The following RHBDL3 variants were observed in gnomAD, a reference collection of about 807,000 sequenced individuals.
RHBDL3 encodes the protein rhomboid like 3.
RHBDL3 carries 28 observed loss-of-function variants against 48.2 expected under a neutral mutation model. The ratio of observed to expected loss-of-function variants is 0.58; its 90% CI spans 0.43 to 0.80. The LOEUF (loss-of-function observed/expected upper bound fraction) is 0.80. Among genes scored for constraint, RHBDL3 ranks in the 30% least tolerant of loss-of-function variants. The pLI is 0.00. For missense variants in RHBDL3, 464 were observed against 542.7 expected (o/e 0.85, Z 1.44); for synonymous variants, 208 against 232.3 (o/e 0.90, Z 0.95).
intron 7 of RHBDL3, among the ~76,000 whole-genome samples, chr17:32,313,751 CTTTT>C (rs559422433): frequency 1.0e-5 from 1 of 98,630 alleles, no homozygotes; most frequent in Non-Finnish European, 1.9e-5. Context: ...AATTCCCTCC[CTTTT>C]TTTTTTTTTT....
intron 6 of RHBDL3, among the ~76,000 whole-genome samples, chr17:32,299,795 T>C (rs1011763690): frequency 9.9e-5 from 15 of 152,208 alleles, no homozygotes; most frequent in African/African-American, 3.6e-4. Flanking sequence ...CATGTAGGGC[T>C]GTATCATTGA....
At chr17:32,289,292 C>T (rs557208289) in intron 4 of RHBDL3, among the ~76,000 whole-genome samples, 1 of 152,188 alleles carries the variant, frequency 6.6e-6, no homozygotes, top group Non-Finnish European at 1.5e-5. Context: ...CACTACCCCC[C>T]ACCCACCCCA....
intron 7 of RHBDL3, among the ~76,000 whole-genome samples, chr17:32,309,179 A>AGTGTGTGTGTGTGT (rs61558385): frequency 6.7e-6 from 1 of 149,622 alleles, no homozygotes; most frequent in Non-Finnish European, 1.5e-5. Context: ...GAAGGTTTGG[A>AGTGTGTGTGTGTGT]GTGTGTGTGT....
rs950758610 is a variant in RHBDL3, at chr17:32,321,649, A to G, written c.*420A>G. ...GGCTCGAAGGTTGTTGCGTCCAGGC[A>G]TGGCCCCTCTCTAGCTCAGAAATAA... On this transcript the variant is annotated 3_prime_UTR_variant, in exon 9 of 9. Transcript: ENST00000269051. 1.9e-5 allele frequency: 6 copies of G among 320,964 alleles called. No individual in the cohort carries two copies. The highest frequency in any genetic ancestry group is 1.5e-4 in the South Asian group (5 of 33,990). The allele number at this position is 320,964 out of a possible 1,614,324, so 19.9% of individuals were successfully genotyped here.
chr17:32,301,180 G>A (rs1271378986), intron 6 of RHBDL3, among the ~76,000 whole-genome samples: 1 of 151,854 alleles, frequency 6.6e-6, no homozygotes, highest in Non-Finnish European at 1.5e-5. Context: ...GCGCCTGGCA[G>A]CCCCCTGTGC....
At chr17:32,318,053 A>AG (rs1318341607) in intron 8 of RHBDL3, among the ~76,000 whole-genome samples, 1 of 151,886 alleles carries the variant, frequency 6.6e-6, no homozygotes, top group Non-Finnish European at 1.5e-5. Context: ...TACAAAAAAA[A>AG]AAAAAATACA....
At chr17:32,289,398 G>A (rs1214050450) in intron 4 of RHBDL3, among the ~76,000 whole-genome samples, 3 of 152,112 alleles carry the variant, frequency 2.0e-5, no homozygotes, top group Non-Finnish European at 4.4e-5. Flanking sequence ...TCCTCCCTAG[G>A]TGGGTAATGT....
At position 32,285,693 on chromosome 17, in the gene RHBDL3, A is replaced by G. The variant is rs543944657; in HGVS notation, c.294+876A>G. ...ACAAGCAGGTTGAAAATAAGACCCA[A>G]AGTTTTTGCTGGGTTTTCCTATTGG... On this transcript the variant is annotated intron_variant, in intron 3 of 8. Transcript: ENST00000269051. 9.9e-5 allele frequency among the ~76,000 whole-genome samples: 15 copies of G among 152,176 alleles called. No homozygotes were observed. The East Asian group carries it at 1.5e-3, about 16-fold the overall frequency.
chr17:32,285,394 G>A (rs1367718544), intron 3 of RHBDL3, among the ~76,000 whole-genome samples: 1 of 152,144 alleles, frequency 6.6e-6, no homozygotes. Flanking sequence ...GAAGGGGCTG[G>A]GGAGTGGGGG....
chr17:32,320,281 AG>A (rs1364439423), intron 8 of RHBDL3, among the ~76,000 whole-genome samples: 1 of 152,082 alleles, frequency 6.6e-6, no homozygotes, highest in Non-Finnish European at 1.5e-5. Context: ...AACAACAAAA[AG>A]AATCTGTTAA....
chr17:32,266,140 C>T lies in RHBDL3; in HGVS notation c.-50C>T, dbSNP rs1215187906. The T allele has an allele frequency of 1.7e-5, 12 of 713,878 alleles. No individual in the cohort carries two copies. In the Admixed American group the frequency reaches 4.2e-4, roughly 25 times the overall value. The allele number at this position is 713,878 out of a possible 1,614,324, so 44.2% of individuals were successfully genotyped here. Reference sequence around the variant, plus strand: ...GCCGCGGCGCAAAGTTAGCCCGGCGCCCCGGGACGAGCCCCGCAGCCGCCG... The same window carrying T: ...GCCGCGGCGCAAAGTTAGCCCGGCGTCCCGGGACGAGCCCCGCAGCCGCCG... On this transcript the variant is annotated 5_prime_UTR_variant, in exon 1 of 9. Coordinates refer to ENST00000269051, the MANE Select transcript of RHBDL3 (RefSeq NM_138328.3).
At chr17:32,285,642 G>C (rs1176136750) in intron 3 of RHBDL3, among the ~76,000 whole-genome samples, 2 of 152,202 alleles carry the variant, frequency 1.3e-5, no homozygotes, top group East Asian at 3.9e-4. Flanking sequence ...TGGGATGCAG[G>C]TGACATCAGT....
At chr17:32,315,755 C>T (rs952239250) in intron 7 of RHBDL3, among the ~76,000 whole-genome samples, 1 of 151,836 alleles carries the variant, frequency 6.6e-6, no homozygotes, top group African/African-American at 2.4e-5. Context: ...CTTGTGTTGA[C>T]TCATTTGATA....
At chr17:32,281,282 A>T (rs1034089184) in intron 2 of RHBDL3, among the ~76,000 whole-genome samples, 1 of 152,002 alleles carries the variant, frequency 6.6e-6, no homozygotes, top group Admixed American at 6.5e-5. Context: ...GGGGAGATTG[A>T]GGGGGAGAGC....
chr17:32,279,963 T>C (rs2040004003), intron 2 of RHBDL3, among the ~76,000 whole-genome samples: 1 of 152,090 alleles, frequency 6.6e-6, no homozygotes, highest in Non-Finnish European at 1.5e-5. Context: ...GGGTGCAGCA[T>C]AGAGGATAGG....
chr17:32,281,431 T>C (rs922430419), intron 2 of RHBDL3, among the ~76,000 whole-genome samples: 1 of 151,896 alleles, frequency 6.6e-6, no homozygotes, highest in Non-Finnish European at 1.5e-5. Flanking sequence ...GGCTCCCTTC[T>C]CTAGGCCGAG....
chr17:32,318,815 C>T (rs976376682), intron 8 of RHBDL3, among the ~76,000 whole-genome samples: 1 of 152,116 alleles, frequency 6.6e-6, no homozygotes, highest in Non-Finnish European at 1.5e-5. Flanking sequence ...CTTCAATTCA[C>T]GGAGGGTCAG....
At chr17:32,284,410 T>A in intron 2 of RHBDL3, 1 of 443,780 alleles carries the variant, frequency 2.3e-6, no homozygotes, top group South Asian at 3.9e-5. Context: ...CGGTTTAACC[T>A]CTCTGAGCCT....
intron 1 of RHBDL3, 198 bp from the exon 2 acceptor site, chr17:32,267,704 T>A: frequency 1.1e-6 from 1 of 932,416 alleles, no homozygotes; most frequent in Admixed American, 5.2e-5. Flanking sequence ...CTCCCTCTGC[T>A]CAGTGTGGAC....
Sources: allele counts gnomAD v4.1 joint callset (sites outside exome capture counted in the v4.1 genomes callset), GRCh38; gene constraint gnomAD v4.1.1; transcripts MANE v1.5; gene names NCBI Gene and HGNC (gene_info 2026-07-23, HGNC 2026-07-21).